The following ATP9B variants were observed in gnomAD, a reference collection of about 807,000 sequenced individuals.
The protein encoded by ATP9B is probable phospholipid-transporting ATPase IIB.
Under a neutral mutation model 146.1 loss-of-function variants are expected in ATP9B, and 110 were observed. The ratio of observed to expected loss-of-function variants is 0.75; its 90% CI spans 0.65 to 0.88. ATP9B has a LOEUF of 0.88. ATP9B is among the 40% of genes least tolerant of loss of function. The pLI is 0.00. For synonymous variants in ATP9B, 604 were observed against 569.7 expected, an observed-to-expected ratio of 1.06 and a Z score of -0.86; for missense variants, 1,499 against 1,496.4, an observed-to-expected ratio of 1.00 and a Z score of -0.03.
intron 5 of ATP9B, among the ~76,000 whole-genome samples, chr18:79,138,791 C>A (rs1031106527): frequency 3.7e-4 from 53 of 141,702 alleles, no homozygotes; most frequent in Admixed American, 1.4e-3. Flanking sequence ...AAAAAAAAAA[C>A]CAGTATTGGC....
intron 2 of ATP9B, among the ~76,000 whole-genome samples, chr18:79,097,738 G>T (rs2074922129): frequency 6.9e-6 from 1 of 144,872 alleles, no homozygotes; most frequent in Admixed American, 6.8e-5. Flanking sequence ...AGTATTCCAT[G>T]GTGTATATGT....
At chr18:79,203,001 C>CAAT (rs1435103034) in intron 9 of ATP9B, among the ~76,000 whole-genome samples, 1 of 152,154 alleles carries the variant, frequency 6.6e-6, no homozygotes, top group East Asian at 1.9e-4. Flanking sequence ...TGACATGCAT[C>CAAT]AATAATTAAA....
At chr18:79,264,010 G>A (rs756963789) in intron 12 of ATP9B, among the ~76,000 whole-genome samples, 9 of 152,258 alleles carry the variant, frequency 5.9e-5, no homozygotes, top group Admixed American at 3.9e-4. Flanking sequence ...GCGTCAACCC[G>A]GAAGGCGGAG....
intron 6 of ATP9B, among the ~76,000 whole-genome samples, chr18:79,150,655 CAG>C (rs1214749599): frequency 4.6e-5 from 7 of 152,136 alleles, no homozygotes; most frequent in African/African-American, 1.7e-4. Context: ...GAAAATAAGA[CAG>C]AATAAGGACA....
intron 11 of ATP9B, among the ~76,000 whole-genome samples, chr18:79,215,614 T>G (rs113635573): frequency 2.0e-5 from 3 of 152,198 alleles, no homozygotes; most frequent in African/African-American, 7.2e-5. Flanking sequence ...TAATCATATA[T>G]AGAGTTAGAA....
intron 26 of ATP9B, among the ~76,000 whole-genome samples, chr18:79,368,589 T>C (rs975644184): frequency 1.4e-4 from 22 of 152,168 alleles, no homozygotes; most frequent in Non-Finnish European, 5.9e-5. Flanking sequence ...TGTCCAGTAA[T>C]ATTTGAAGTT....
intron 7 of ATP9B, among the ~76,000 whole-genome samples, chr18:79,169,419 G>C (rs1339429723): frequency 6.6e-6 from 1 of 152,160 alleles, no homozygotes; most frequent in East Asian, 1.9e-4. Context: ...GGTGAAATAT[G>C]TGGGAGCTTG....
At chr18:79,085,939 A>G (rs761181725) in intron 1 of ATP9B, 1 of 152,216 alleles carries the variant, frequency 6.6e-6, no homozygotes, top group Non-Finnish European at 1.5e-5. Flanking sequence ...TCTATGAATC[A>G]TAAAACTTTG....
chr18:79,125,623 G>C (rs1446396041), intron 4 of ATP9B, among the ~76,000 whole-genome samples: 2 of 152,102 alleles, frequency 1.3e-5, no homozygotes, highest in Non-Finnish European at 2.9e-5. Flanking sequence ...TATATATGCA[G>C]CCTTTAAAAA....
intron 15 of ATP9B, among the ~76,000 whole-genome samples, chr18:79,328,051 T>TCCGTGGTTAGCGTG (rs1319549230): frequency 6.0e-4 from 90 of 149,340 alleles, no homozygotes; most frequent in Admixed American, 7.3e-4. Flanking sequence ...TAGCGTGCTC[T>TCCGTGGTTAGCGTG]CTCTGGTTAG....
Position 79,373,934 on chromosome 18 carries a change from A to G in ATP9B, c.3107A>G (p.Glu1036Gly), listed in dbSNP as rs1177415300. 1 of 1,613,352 alleles carries G rather than the reference A, an allele frequency of 6.2e-7. No homozygotes were observed. Among genetic ancestry groups the G allele is most frequent in the Admixed American group, 1.7e-5 (1 of 60,018 alleles). ...ATGTATGGGGCCCTGGTGCTCTTCGAGTCTGAGTTCGTCCACGTGGTGGCC... is the reference window on the plus strand; with the variant it reads ...ATGTATGGGGCCCTGGTGCTCTTCGGGTCTGAGTTCGTCCACGTGGTGGCC... ...ILMYGALVLFESEFVHVVAIS... is the reference protein window; with the variant it reads ...ILMYGALVLFGSEFVHVVAIS... The change falls in exon 28 of 30, where the codon GAG (glutamate) becomes GGG (glycine). Residue 1036 changes from glutamate to glycine, a missense_variant. Transcript: ENST00000426216.
chr18:79,242,376 C>T (rs970532980), intron 11 of ATP9B, among the ~76,000 whole-genome samples: 30 of 152,210 alleles, frequency 2.0e-4, no homozygotes, highest in African/African-American at 7.0e-4. Context: ...TCCCCCGTGG[C>T]ACTGCACAGC....
chr18:79,166,156 T>C (rs1442757511), intron 7 of ATP9B, among the ~76,000 whole-genome samples: 7 of 152,088 alleles, frequency 4.6e-5, no homozygotes, highest in Non-Finnish European at 1.5e-5. Flanking sequence ...GTTTGAAAAA[T>C]AGCCTGGCAG....
At chr18:79,340,657 T>G (rs1030004181) in intron 19 of ATP9B, among the ~76,000 whole-genome samples, 2 of 152,234 alleles carry the variant, frequency 1.3e-5, no homozygotes, top group Non-Finnish European at 2.9e-5. Context: ...TTTGCTGTTA[T>G]ATATATCAAA....
intron 1 of ATP9B, among the ~76,000 whole-genome samples, chr18:79,090,969 G>A (rs1177076910): frequency 2.0e-5 from 3 of 152,140 alleles, no homozygotes; most frequent in Non-Finnish European, 4.4e-5. Flanking sequence ...GACAGTGAGA[G>A]ATAGGAGTCT....
intron 7 of ATP9B, among the ~76,000 whole-genome samples, chr18:79,159,662 T>C (rs1332564212): frequency 6.6e-6 from 1 of 152,188 alleles, no homozygotes; most frequent in East Asian, 1.9e-4. Flanking sequence ...AACGTGTCTC[T>C]ACCCAGTCAC....
intron 6 of ATP9B, among the ~76,000 whole-genome samples, chr18:79,153,957 CTTT>C (rs11285884): frequency 5.8e-5 from 6 of 103,158 alleles, no homozygotes; most frequent in Admixed American, 9.6e-5. Context: ...TGACATGCAG[CTTT>C]TTTTTTTTTT....
At chr18:79,334,652 T>G (rs1418584558) in intron 17 of ATP9B, among the ~76,000 whole-genome samples, 1 of 152,060 alleles carries the variant, frequency 6.6e-6, no homozygotes. Context: ...CCTCCACCCC[T>G]GCCTCTTGTC....
chr18:79,232,572 T>C (rs1441891339), intron 11 of ATP9B, among the ~76,000 whole-genome samples: 1 of 152,158 alleles, frequency 6.6e-6, no homozygotes, highest in East Asian at 1.9e-4. Context: ...TATCCAGCTT[T>C]CAACAGACAT....
Sources: allele counts gnomAD v4.1 joint callset (sites outside exome capture counted in the v4.1 genomes callset), GRCh38; gene constraint gnomAD v4.1.1; transcripts MANE v1.5; gene names NCBI Gene and HGNC (gene_info 2026-07-23, HGNC 2026-07-21).